Variants in CLCN3 observed in about 807,000 individuals in gnomAD.
The protein encoded by CLCN3 is Cl-/H+ antiporter 3.
A neutral mutation model predicts 83.4 loss-of-function variants in CLCN3; 16 were observed. The observed-to-expected ratio is 0.19, with a 90% CI of 0.13 to 0.29. CLCN3 has a LOEUF of 0.29. CLCN3 is among the 10% of genes least tolerant of loss of function. The probability of loss-of-function intolerance (pLI) is 1.00; values close to 1 mark genes in which losing one functional copy is unlikely to be tolerated. For missense variants in CLCN3, 544 were observed against 1,006.0 expected, an observed-to-expected ratio of 0.54 and a Z score of 6.21; for synonymous variants, 322 against 346.2, an observed-to-expected ratio of 0.93 and a Z score of 0.78.
At chr4:169,636,392 G>A (rs997724641) in intron 2 of CLCN3, among the ~76,000 whole-genome samples, 6 of 152,124 alleles carry the variant, frequency 3.9e-5, no homozygotes, top group Non-Finnish European at 8.8e-5. Context: ...ACATCTTAGT[G>A]TGGAAATTGA....
intron 1 of CLCN3, among the ~76,000 whole-genome samples, chr4:169,624,461 G>T (rs1311535239): frequency 6.6e-6 from 1 of 152,064 alleles, no homozygotes; most frequent in Non-Finnish European, 1.5e-5. Context: ...TAGGGACAGG[G>T]TTTCACCCTG....
intron 11 of CLCN3, among the ~76,000 whole-genome samples, chr4:169,709,159 TTATA>T (rs981386755): frequency 1.3e-5 from 2 of 149,166 alleles, no homozygotes; most frequent in African/African-American, 4.9e-5. Context: ...AATGTATGTG[TTATA>T]TATAGTTACA....
chr4:169,626,101 A>G (rs533907337), intron 1 of CLCN3, among the ~76,000 whole-genome samples: 3 of 152,366 alleles, frequency 2.0e-5, no homozygotes, highest in African/African-American at 4.8e-5. Flanking sequence ...AACACTGGCT[A>G]TAAATCAGGG....
At chr4:169,663,581 C>T in intron 2 of CLCN3, 5 of 409,788 alleles carry the variant, frequency 1.2e-5, no homozygotes, top group South Asian at 8.5e-5. Context: ...CTCAAGCAAC[C>T]CTCCTGCCTT....
intron 2 of CLCN3, among the ~76,000 whole-genome samples, chr4:169,656,591 AT>A (rs1730894874): frequency 6.6e-6 from 1 of 152,184 alleles, no homozygotes; most frequent in Non-Finnish European, 1.5e-5. Context: ...ATACTGATGG[AT>A]TGTAAACTAC....
At chr4:169,650,182 T>C (rs765300184) in intron 2 of CLCN3, among the ~76,000 whole-genome samples, 24 of 152,168 alleles carry the variant, frequency 1.6e-4, no homozygotes, top group Non-Finnish European at 2.4e-4. Flanking sequence ...CTAAGAATAA[T>C]GAAGCTCTTT....
chr4:169,692,819 C>T (rs1164555605), intron 7 of CLCN3, among the ~76,000 whole-genome samples: 3 of 152,174 alleles, frequency 2.0e-5, no homozygotes, highest in African/African-American at 4.8e-5. Context: ...CAGAAATTCA[C>T]ATTAAAGAGA....
At chr4:169,674,222 A>C (rs1346500220) in intron 2 of CLCN3, among the ~76,000 whole-genome samples, 1 of 152,088 alleles carries the variant, frequency 6.6e-6, no homozygotes, top group Non-Finnish European at 1.5e-5. Flanking sequence ...ATTTTTGGAG[A>C]GTACAATCCA....
chr4:169,694,347 C>G (rs1024214304), intron 7 of CLCN3, among the ~76,000 whole-genome samples: 9 of 152,258 alleles, frequency 5.9e-5, no homozygotes, highest in Non-Finnish European at 1.2e-4. Flanking sequence ...GTTAGGTTAT[C>G]TACCCATAGC....
chr4:169,722,232 G>C lies in CLCN3; in HGVS notation c.*2235G>C, dbSNP rs1197376553. Reference sequence around the variant, plus strand: ...TACCTATTAAGATCTGTAAGATCCTGAAGACATAAGATCATGAAGCCATAT... The same window carrying C: ...TACCTATTAAGATCTGTAAGATCCTCAAGACATAAGATCATGAAGCCATAT... On this transcript the variant is annotated 3_prime_UTR_variant, in exon 13 of 13. Transcript: ENST00000513761. The C allele has an allele frequency of 6.6e-6, 1 of 152,198 alleles. No homozygotes were observed. Among genetic ancestry groups the C allele is most frequent in the Non-Finnish European group, 1.5e-5 (1 of 68,046 alleles). The allele number at this position is 152,198 out of a possible 1,614,324, so 9.4% of individuals were successfully genotyped here. A position where few individuals can be genotyped will look rare whatever the true frequency, so the allele number is the denominator to read the frequency against.
At position 169,720,345 on chromosome 4, in the gene CLCN3, G is replaced by C. The variant is rs1182017073; in HGVS notation, c.*348G>C. 6 of 287,038 alleles carry C rather than the reference G, an allele frequency of 2.1e-5. No homozygotes were observed. The highest frequency in any genetic ancestry group is 3.2e-5 in the Non-Finnish European group (5 of 155,276). The allele number at this position is 287,038 out of a possible 1,614,324, so 17.8% of individuals were successfully genotyped here. A position where few individuals can be genotyped will look rare whatever the true frequency, so the allele number is the denominator to read the frequency against. ...ATGACAGCAGAGTCCTCGAGCACCT[G>C]GCCTGTTGCTCCAACATTGCAAAGA... On this transcript the variant is annotated 3_prime_UTR_variant, in exon 13 of 13. Coordinates refer to ENST00000513761, the MANE Select transcript of CLCN3 (RefSeq NM_001829.4).
chr4:169,677,732 T>G (rs1731735562), intron 2 of CLCN3, among the ~76,000 whole-genome samples: 1 of 152,226 alleles, frequency 6.6e-6, no homozygotes, highest in Non-Finnish European at 1.5e-5. Context: ...AACTACTAAT[T>G]TTGTGATAGG....
intron 2 of CLCN3, among the ~76,000 whole-genome samples, chr4:169,650,287 C>G (rs1048407733): frequency 1.3e-5 from 2 of 152,138 alleles, no homozygotes; most frequent in Non-Finnish European, 2.9e-5. Flanking sequence ...TTTATAAGCA[C>G]AGAAAAATTT....
chr4:169,687,572 T>A, intron 3 of CLCN3, 86 bp from the exon 4 acceptor site: 3 of 826,020 alleles, frequency 3.6e-6, no homozygotes, highest in Non-Finnish European at 5.9e-6. Context: ...GTTCTATGTA[T>A]GGTAAATGAG....
At chr4:169,692,870 C>A (rs2070749325) in intron 7 of CLCN3, among the ~76,000 whole-genome samples, 1 of 152,134 alleles carries the variant, frequency 6.6e-6, no homozygotes, top group East Asian at 1.9e-4. Flanking sequence ...AAGGCAATTT[C>A]CTTTACCATT....
chr4:169,647,130 A>G (rs1730596494), intron 2 of CLCN3, among the ~76,000 whole-genome samples: 1 of 152,190 alleles, frequency 6.6e-6, no homozygotes. Context: ...TCATGCCTGT[A>G]ATGCCAACAC....
intron 3 of CLCN3, 23 bp from the exon 4 acceptor site, chr4:169,687,635 A>G (rs1732213725): frequency 6.6e-7 from 1 of 1,505,902 alleles, no homozygotes. Flanking sequence ...GGAAAAATGA[A>G]GCATAAACAT....
intron 10 of CLCN3, among the ~76,000 whole-genome samples, chr4:169,704,482 C>T (rs1425015434): frequency 6.6e-6 from 1 of 152,198 alleles, no homozygotes; most frequent in Non-Finnish European, 1.5e-5. Flanking sequence ...TGAATCCTGA[C>T]CAAAGATGTC....
At chr4:169,680,731 A>G (rs1476783292) in intron 3 of CLCN3, 1 of 152,318 alleles carries the variant, frequency 6.6e-6, no homozygotes, top group Non-Finnish European at 1.5e-5. Context: ...GAGTGTTGTA[A>G]TGGTTTACTG....
Sources: gnomAD v4.1 joint callset for allele counts (sites outside exome capture counted in the v4.1 genomes callset) on GRCh38, gnomAD v4.1.1 for gene constraint, MANE v1.5 for transcripts, NCBI Gene and HGNC (gene_info 2026-07-23, HGNC 2026-07-21) for gene names.